The following NTN4 variants were observed in gnomAD, a reference collection of about 807,000 sequenced individuals.
NTN4 encodes netrin 4.
A neutral mutation model predicts 73.6 loss-of-function variants in NTN4; 32 were observed. The ratio of observed to expected loss-of-function variants is 0.44; its 90% CI spans 0.33 to 0.58. The LOEUF (loss-of-function observed/expected upper bound fraction) is 0.58. Ranked by LOEUF, NTN4 falls within the 20% of genes least tolerant of loss-of-function variation. NTN4 has a pLI of 0.04. For synonymous variants in NTN4, 258 were observed against 287.5 expected (o/e 0.90, Z 1.04); for missense variants, 654 against 798.3 (o/e 0.82, Z 2.18).
rs748864733 is a variant in NTN4 at position 95,759,485 on chromosome 12, A to AT, written c.586-21342dup. On this transcript the variant is annotated intron_variant, in intron 2 of 9. Transcript: ENST00000343702. ...TAATCTACTGTCAGTCCCTAGTAGT[A>AT]TTTTTGTTTTTTTTTTTTTTTGAGA... Among the ~76,000 whole-genome samples, 808 of 122,280 alleles carry AT rather than the reference A, an allele frequency of 6.6e-3. 12 individuals are homozygous for AT. Among genetic ancestry groups the AT allele is most frequent in the Non-Finnish European group, 8.9e-3 (532 of 59,580 alleles). 80.2% of individuals were successfully genotyped at this position (122,280 alleles called of 152,430 possible). A position where few individuals can be genotyped will look rare whatever the true frequency, so the allele number is the denominator to read the frequency against.
At chr12:95,712,245 A>G (rs2078569863) in intron 4 of NTN4, among the ~76,000 whole-genome samples, 2 of 152,210 alleles carry the variant, frequency 1.3e-5, no homozygotes, top group East Asian at 3.8e-4. Context: ...CTCAAACCTC[A>G]AGTTAGTTAG....
intron 7 of NTN4, chr12:95,671,243 C>G (rs2078227729): frequency 6.6e-6 from 1 of 152,414 alleles, no homozygotes; most frequent in Non-Finnish European, 1.5e-5. Context: ...AGATGATCCA[C>G]TAGCCTCGGC....
chr12:95,746,225 C>T (rs941734922), intron 2 of NTN4, among the ~76,000 whole-genome samples: 2 of 152,198 alleles, frequency 1.3e-5, no homozygotes, highest in Non-Finnish European at 2.9e-5. Flanking sequence ...GCAATATCTG[C>T]AGTTCCCAGG....
At position 95,787,139 on chromosome 12, in the gene NTN4, G is replaced by T; in HGVS notation, c.385C>A (p.His129Asn). 1 of 1,614,174 alleles carries T rather than the reference G, an allele frequency of 6.2e-7. No individual in the cohort carries two copies. The highest frequency in any genetic ancestry group is 8.5e-7 in the Non-Finnish European group (1 of 1,180,020). ...GGGGACTTGAACATCACAATTAGGT[G>T]AGTGAAGTAGAATTCAGCTTCCAGG... Reference protein sequence around the residue: ...LDLEAEFYFTHLIVMFKSPRP... With the variant: ...LDLEAEFYFTNLIVMFKSPRP... Residue 129 changes from histidine to asparagine, a missense_variant, in exon 2 of 10, where the codon CAC becomes AAC. His to Asn is a moderately conservative substitution (Grantham distance 68). Coordinates refer to ENST00000343702, the MANE Select transcript of NTN4 (RefSeq NM_021229.4).
chr12:95,703,550 C>T (rs1237158849), intron 5 of NTN4, among the ~76,000 whole-genome samples: 1 of 152,184 alleles, frequency 6.6e-6, no homozygotes, highest in Admixed American at 6.5e-5. Context: ...TTATAATAAA[C>T]ATTAGCATAT....
intron 5 of NTN4, among the ~76,000 whole-genome samples, chr12:95,706,314 A>G (rs548273894): frequency 6.2e-4 from 94 of 152,360 alleles, no homozygotes; most frequent in African/African-American, 2.1e-3. Context: ...CAAAATAAAC[A>G]AAAAGGTATT....
intron 2 of NTN4, among the ~76,000 whole-genome samples, chr12:95,756,319 A>C (rs566918755): frequency 6.6e-6 from 1 of 152,340 alleles, no homozygotes; most frequent in Non-Finnish European, 1.5e-5. Context: ...ACTGGTTAAA[A>C]GTAGTAATAC....
intron 2 of NTN4, among the ~76,000 whole-genome samples, chr12:95,752,548 A>G (rs1444523684): frequency 6.6e-6 from 1 of 151,874 alleles, no homozygotes; most frequent in Non-Finnish European, 1.5e-5. Context: ...GACAGCCCCC[A>G]TTACTTCAAT....
upstream of NTN4, among the ~76,000 whole-genome samples, chr12:95,790,953 A>ACCGACGCCC (rs1375039715): frequency 8.3e-5 from 9 of 108,548 alleles, no homozygotes; most frequent in Admixed American, 8.0e-4. The surrounding 1 kb of genome is among the most constrained non-coding windows in gnomAD (Gnocchi z 6.5). Context: ...CCGCGCCCCG[A>ACCGACGCCC]CCGACGCCCC....
intron 3 of NTN4, among the ~76,000 whole-genome samples, chr12:95,726,075 T>G (rs1038169735): frequency 2.7e-5 from 4 of 148,210 alleles, no homozygotes; most frequent in African/African-American, 1.0e-4. Context: ...TTTGTTTGGG[T>G]TTTTTTTTTA....
rs1290459390 is a variant in NTN4, at chr12:95,790,592, G to A, written c.-283C>T. On this transcript the variant is annotated 5_prime_UTR_variant, in exon 1 of 10. Coordinates refer to ENST00000343702, the MANE Select transcript of NTN4 (RefSeq NM_021229.4). The surrounding 1 kb of genome is among the most constrained non-coding windows in gnomAD (Gnocchi z 6.5). ...ATAGCCGGCCTGGCTGCGCTGCCCCGCGGAGCGGCCCTGCGGGCTCGTCTG... is the reference window on the plus strand; with the variant it reads ...ATAGCCGGCCTGGCTGCGCTGCCCCACGGAGCGGCCCTGCGGGCTCGTCTG... 4 of 257,228 alleles carry A rather than the reference G, an allele frequency of 1.6e-5. No individual in the cohort carries two copies. The East Asian group carries it at 2.8e-4, about 18-fold the overall frequency. 15.9% of individuals were successfully genotyped at this position (257,228 alleles called of 1,614,324 possible). A position where few individuals can be genotyped will look rare whatever the true frequency, so the allele number is the denominator to read the frequency against.
chr12:95,771,214 C>T (rs1281886640), intron 2 of NTN4, among the ~76,000 whole-genome samples: 1 of 152,080 alleles, frequency 6.6e-6, no homozygotes, highest in Non-Finnish European at 1.5e-5. Context: ...TGGTCTCGAT[C>T]TCCTGACCTC....
chr12:95,663,398 T>A (rs897823452), intron 9 of NTN4: 6 of 152,216 alleles, frequency 3.9e-5, no homozygotes, highest in African/African-American at 1.4e-4. Flanking sequence ...GCTACACGTC[T>A]GAGAACACGA....
chr12:95,686,766 AAAAG>A (rs1236781869), intron 5 of NTN4, among the ~76,000 whole-genome samples: 2 of 152,028 alleles, frequency 1.3e-5, no homozygotes, highest in Non-Finnish European at 1.5e-5. Context: ...TCAAAAAAAA[AAAAG>A]AAAGAAAAAA....
At chr12:95,763,023 AAAT>A (rs141587443) in intron 2 of NTN4, among the ~76,000 whole-genome samples, 1,972 of 152,314 alleles carry the variant, frequency 0.013, 42 homozygotes, top group African/African-American at 0.045. Context: ...AGCCATAATT[AAAT>A]AAGATAAAAA....
At chr12:95,701,545 T>C (rs556177970) in intron 5 of NTN4, among the ~76,000 whole-genome samples, 1,698 of 152,304 alleles carry the variant, frequency 0.011, 12 homozygotes, top group Non-Finnish European at 0.018. Context: ...TTGATTGTGC[T>C]GGGTCCAACA....
In NTN4 at chr12:95,715,565, A is replaced by T. The variant is rs113496822; in HGVS notation, c.865-2227T>A. Among the ~76,000 whole-genome samples the T allele has an allele frequency of 2.3e-3, 351 of 152,252 alleles. 2 individuals are homozygous for T. The highest frequency in any genetic ancestry group is 7.9e-3 in the African/African-American group (327 of 41,560). On this transcript the variant is annotated intron_variant, in intron 3 of 9. Coordinates refer to ENST00000343702, the MANE Select transcript of NTN4 (RefSeq NM_021229.4). Reference sequence around the variant, plus strand: ...TTCTATATCAAAATTCCATGGAATTATAAGGGTTCACTACAAATCTCCATT... The same window carrying T: ...TTCTATATCAAAATTCCATGGAATTTTAAGGGTTCACTACAAATCTCCATT...
chr12:95,681,288 C>T (rs1398702551), intron 7 of NTN4, among the ~76,000 whole-genome samples: 1 of 151,054 alleles, frequency 6.6e-6, no homozygotes, highest in African/African-American at 2.4e-5. Context: ...GGATGATCAA[C>T]ACCAAGTTCA....
At chr12:95,665,138 T>C (rs747577780) in intron 9 of NTN4, among the ~76,000 whole-genome samples, 1 of 152,164 alleles carries the variant, frequency 6.6e-6, no homozygotes, top group Non-Finnish European at 1.5e-5. Context: ...AATAAGCAGC[T>C]TATAACCCAG....
Sources: gnomAD v4.1 joint callset for allele counts (sites outside exome capture counted in the v4.1 genomes callset) on GRCh38, gnomAD v4.1.1 for gene constraint, Gnocchi (gnomAD v3.1) non-coding constraint, MANE v1.5 for transcripts, NCBI Gene and HGNC (gene_info 2026-07-23, HGNC 2026-07-21) for gene names.